KCNMA1: variants seen among roughly 807,000 people sequenced by gnomAD.
The protein encoded by KCNMA1 is Calcium-activated potassium channel subunit alpha-1.
Under a neutral mutation model 140.0 loss-of-function variants are expected in KCNMA1, and 29 were observed. The ratio of observed to expected loss-of-function variants is 0.21; its 90% CI spans 0.15 to 0.28. The LOEUF (loss-of-function observed/expected upper bound fraction) is 0.28. Among genes scored for constraint, KCNMA1 ranks in the 10% least tolerant of loss-of-function variants. KCNMA1 has a pLI of 1.00. For missense variants in KCNMA1, 880 were observed against 1,602.2 expected (o/e 0.55, Z 7.70); for synonymous variants, 612 against 611.9 (o/e 1.00, Z 0.00).
intron 23 of KCNMA1, chr10:76,930,017 G>A (rs554122210): frequency 3.0e-4 from 45 of 152,086 alleles, no homozygotes; most frequent in Admixed American, 1.7e-3. Flanking sequence ...ATCTGAAACC[G>A]TAAAACTCCT....
intron 3 of KCNMA1, among the ~76,000 whole-genome samples, chr10:77,188,830 GT>G (rs956705248): frequency 3.9e-5 from 6 of 151,940 alleles, no homozygotes; most frequent in African/African-American, 7.3e-5. Context: ...GGCTACCCAG[GT>G]TTTTTTTCAG....
chr10:77,160,980 A>G (rs1406930517), intron 5 of KCNMA1, among the ~76,000 whole-genome samples: 1 of 152,142 alleles, frequency 6.6e-6, no homozygotes, highest in Non-Finnish European at 1.5e-5. Context: ...CATGCTCTTG[A>G]CTTACGAGCC....
chr10:77,356,516 C>T (rs1186075237), intron 2 of KCNMA1, among the ~76,000 whole-genome samples: 1 of 152,114 alleles, frequency 6.6e-6, no homozygotes, highest in African/African-American at 2.4e-5. Flanking sequence ...AAATTAGACA[C>T]CGTGTGGCCT....
intron 1 of KCNMA1, among the ~76,000 whole-genome samples, chr10:77,521,827 C>T (rs2053500976): frequency 6.6e-6 from 1 of 152,104 alleles, no homozygotes; most frequent in South Asian, 2.1e-4. Context: ...GTGGTTATCA[C>T]TTAGATGTGC....
intron 1 of KCNMA1, among the ~76,000 whole-genome samples, chr10:77,525,379 C>T (rs1025052650): frequency 6.6e-6 from 1 of 152,216 alleles, no homozygotes; most frequent in African/African-American, 2.4e-5. Flanking sequence ...TAACTTTACT[C>T]TTTCTCATAA....
rs191673521 is a variant in KCNMA1, at chr10:77,620,605, C to A, written c.378+16660G>T. Among the ~76,000 whole-genome samples the A allele has an allele frequency of 4.6e-3, 697 of 152,254 alleles. 4 individuals carry two copies. Among genetic ancestry groups the A allele is most frequent in the Non-Finnish European group, 8.3e-3 (567 of 68,018 alleles). ...CACAGTGATCAGAAGTTAGGGAGAGCGCCTGTTGCAGAGGCTGGATTTGGA... is the reference window on the plus strand; with the variant it reads ...CACAGTGATCAGAAGTTAGGGAGAGAGCCTGTTGCAGAGGCTGGATTTGGA... On this transcript the variant is annotated intron_variant, in intron 1 of 27. Coordinates refer to ENST00000286628, the MANE Select transcript of KCNMA1 (RefSeq NM_001161352.2).
intron 2 of KCNMA1, among the ~76,000 whole-genome samples, chr10:77,261,323 T>C (rs2061955711): frequency 6.6e-6 from 1 of 152,180 alleles, no homozygotes. Context: ...ACACAGTGTC[T>C]GAATTCTCAT....
At chr10:77,537,124 G>C (rs2059077290) in intron 1 of KCNMA1, among the ~76,000 whole-genome samples, 1 of 152,150 alleles carries the variant, frequency 6.6e-6, no homozygotes, top group Non-Finnish European at 1.5e-5. Flanking sequence ...TCTCCAGGGG[G>C]AGTACATAGA....
At position 77,504,955 on chromosome 10, in the gene KCNMA1, A is replaced by G. The variant is rs143300245; in HGVS notation, c.379-100932T>C. 1.6e-4 allele frequency among the ~76,000 whole-genome samples: 24 copies of G among 152,152 alleles called. No individual in the cohort carries two copies. In the East Asian group the frequency reaches 4.6e-3, roughly 29 times the overall value. Reference sequence around the variant, plus strand: ...TTCCCTGTGAGGCTCTGGGCTGTGCACCTCTAATGCTGGAAAGTCCAAATC... The same window carrying G: ...TTCCCTGTGAGGCTCTGGGCTGTGCGCCTCTAATGCTGGAAAGTCCAAATC... On this transcript the variant is annotated intron_variant, in intron 1 of 27. Coordinates refer to ENST00000286628, the MANE Select transcript of KCNMA1 (RefSeq NM_001161352.2).
intron 17 of KCNMA1, among the ~76,000 whole-genome samples, chr10:77,018,506 C>A (rs779637787): frequency 6.6e-5 from 10 of 152,166 alleles, no homozygotes; most frequent in Non-Finnish European, 1.3e-4. Flanking sequence ...AGTGGCTTAA[C>A]AATTGAAGCT....
At chr10:76,945,031 G>GAGA in intron 22 of KCNMA1, 66 bp from the exon 23 acceptor site, 15 of 1,290,754 alleles carry the variant, frequency 1.2e-5, no homozygotes, top group Non-Finnish European at 1.5e-5. Flanking sequence ...GAGAGAGAGA[G>GAGA]GAGCAAAAGT....
intron 2 of KCNMA1, among the ~76,000 whole-genome samples, chr10:77,370,078 C>G (rs1005008749): frequency 1.3e-5 from 2 of 152,160 alleles, no homozygotes; most frequent in Non-Finnish European, 2.9e-5. Flanking sequence ...AATTGAATGT[C>G]GTCTGAAGTC....
At chr10:77,372,367 A>G (rs529081029) in intron 2 of KCNMA1, among the ~76,000 whole-genome samples, 16 of 152,348 alleles carry the variant, frequency 1.1e-4, no homozygotes, top group African/African-American at 3.8e-4. Context: ...CATTAAATGG[A>G]AAGTGCCTTA....
chr10:77,278,794 C>A (rs1412742516), intron 2 of KCNMA1, among the ~76,000 whole-genome samples: 1 of 152,150 alleles, frequency 6.6e-6, no homozygotes, highest in Non-Finnish European at 1.5e-5. Context: ...AGCGTCACAG[C>A]TAAAAGGAAA....
intron 1 of KCNMA1, among the ~76,000 whole-genome samples, chr10:77,445,365 GACAC>G (rs33995063): frequency 0.054 from 7,557 of 141,220 alleles, 639 homozygotes; most frequent in African/African-American, 0.18. Context: ...CACATACACA[GACAC>G]ACACACACAC....
At chr10:77,201,289 T>C (rs2042367424) in intron 3 of KCNMA1, among the ~76,000 whole-genome samples, 1 of 152,238 alleles carries the variant, frequency 6.6e-6, no homozygotes, top group Admixed American at 6.5e-5. Context: ...GCTGTGACCA[T>C]GCGGTCATAT....
At chr10:77,066,577 G>A (rs1012966503) in intron 14 of KCNMA1, among the ~76,000 whole-genome samples, 1 of 152,116 alleles carries the variant, frequency 6.6e-6, no homozygotes, top group Non-Finnish European at 1.5e-5. Flanking sequence ...GGGTTCAGGG[G>A]AGAGGTTCTT....
At chr10:77,519,303 C>T (rs1042570681) in intron 1 of KCNMA1, among the ~76,000 whole-genome samples, 3 of 152,268 alleles carry the variant, frequency 2.0e-5, no homozygotes, top group Admixed American at 1.3e-4. Flanking sequence ...CCATTGGCAG[C>T]TGGTGATATC....
intron 2 of KCNMA1, among the ~76,000 whole-genome samples, chr10:77,359,049 G>A (rs1042825573): frequency 6.6e-6 from 1 of 152,124 alleles, no homozygotes; most frequent in African/African-American, 2.4e-5. Context: ...GCTCCTAAAG[G>A]TAACAGGGCC....
Sources: allele counts gnomAD v4.1 joint callset (sites outside exome capture counted in the v4.1 genomes callset), GRCh38; gene constraint gnomAD v4.1.1; transcripts MANE v1.5; gene names NCBI Gene and HGNC (gene_info 2026-07-23, HGNC 2026-07-21).